Variants in DCLK1 observed in about 807,000 individuals in gnomAD.
DCLK1 encodes the protein serine/threonine-protein kinase DCLK1.
DCLK1 carries 16 observed loss-of-function variants against 86.2 expected under a neutral mutation model. The ratio of observed to expected loss-of-function variants is 0.19; its 90% CI spans 0.13 to 0.28. The LOEUF (loss-of-function observed/expected upper bound fraction) is 0.28. DCLK1 is among the 10% of genes least tolerant of loss of function. The probability of loss-of-function intolerance (pLI) is 1.00; values close to 1 mark genes in which losing one functional copy is unlikely to be tolerated. For missense variants in DCLK1, 590 were observed against 940.2 expected, an observed-to-expected ratio of 0.63 and a Z score of 4.87; for synonymous variants, 369 against 370.5, an observed-to-expected ratio of 1.00 and a Z score of 0.05.
intron 3 of DCLK1, among the ~76,000 whole-genome samples, chr13:36,009,784 G>A (rs2153147749): frequency 8.4e-6 from 1 of 119,068 alleles, no homozygotes; most frequent in African/African-American, 3.3e-5. Flanking sequence ...AGCTTGATGG[G>A]GATGGCATTG....
chr13:35,790,701 CATT>C (rs1360771054), intron 16 of DCLK1, among the ~76,000 whole-genome samples: 6 of 152,002 alleles, frequency 3.9e-5, no homozygotes, highest in Admixed American at 2.0e-4. Context: ...GCAAATTAAT[CATT>C]ATATTAAATT....
At chr13:35,873,391 T>A (rs950283563) in intron 4 of DCLK1, among the ~76,000 whole-genome samples, 1 of 152,132 alleles carries the variant, frequency 6.6e-6, no homozygotes, top group Non-Finnish European at 1.5e-5. Context: ...TGTACTTTTT[T>A]TTTTCCCCTC....
At chr13:36,015,588 C>A (rs1028102530) in intron 3 of DCLK1, among the ~76,000 whole-genome samples, 1 of 152,166 alleles carries the variant, frequency 6.6e-6, no homozygotes. Flanking sequence ...ACATGCCTAA[C>A]AATGAGCCTG....
chr13:36,031,571 A>C (rs893936808), intron 3 of DCLK1, among the ~76,000 whole-genome samples: 2 of 152,210 alleles, frequency 1.3e-5, no homozygotes, highest in Non-Finnish European at 2.9e-5. Context: ...TCCTGGTAAT[A>C]CGTTTGACAA....
intron 5 of DCLK1, among the ~76,000 whole-genome samples, chr13:35,856,992 T>G (rs1203706105): frequency 1.3e-5 from 2 of 152,162 alleles, no homozygotes; most frequent in Non-Finnish European, 2.9e-5. Flanking sequence ...ACTACTACCT[T>G]GCCTTACTGT....
chr13:35,893,313 T>A (rs1464807168), intron 4 of DCLK1, among the ~76,000 whole-genome samples: 1 of 152,172 alleles, frequency 6.6e-6, no homozygotes, highest in African/African-American at 2.4e-5. Context: ...TGGCAAATAT[T>A]TTTTGAACAT....
chr13:35,787,942 A>G, intron 16 of DCLK1: 2 of 431,570 alleles, frequency 4.6e-6, no homozygotes, highest in Non-Finnish European at 4.3e-6. Flanking sequence ...TGGCATTAGC[A>G]CTAAATATAC....
chr13:35,976,548 T>TTTTTTTTTTTTTTTTTTTTTTTTTTTTTG (rs1879347606), intron 3 of DCLK1, among the ~76,000 whole-genome samples: 1 of 82,794 alleles, frequency 1.2e-5, no homozygotes. Context: ...TTTTTTTTTT[T>TTTTTTTTTTTTTTTTTTTTTTTTTTTTTG]GAGACGGAGT....
intron 3 of DCLK1, among the ~76,000 whole-genome samples, chr13:36,028,410 C>T (rs574242468): frequency 1.1e-4 from 17 of 152,200 alleles, no homozygotes; most frequent in African/African-American, 2.9e-4. Flanking sequence ...TTTCCCTTTG[C>T]GCCTTCACAG....
chr13:36,011,570 G>C (rs1401247162), intron 3 of DCLK1, among the ~76,000 whole-genome samples: 1 of 149,580 alleles, frequency 6.7e-6, no homozygotes, highest in Admixed American at 6.7e-5. Context: ...GTTCTAGTTT[G>C]ATTGCACTGT....
chr13:36,127,666 T>A (rs1036339685), intron 1 of DCLK1, among the ~76,000 whole-genome samples: 1 of 152,300 alleles, frequency 6.6e-6, no homozygotes, highest in Middle Eastern at 3.4e-3. Flanking sequence ...CCCTGACACA[T>A]AAAGAGCTAG....
At chr13:36,085,300 A>G (rs879930713) in intron 3 of DCLK1, among the ~76,000 whole-genome samples, 3 of 152,174 alleles carry the variant, frequency 2.0e-5, no homozygotes, top group Non-Finnish European at 2.9e-5. Flanking sequence ...GTAGATTCCA[A>G]TCCCACTTTC....
chr13:35,780,553 T>C (rs2086507487), intron 16 of DCLK1, among the ~76,000 whole-genome samples: 1 of 152,198 alleles, frequency 6.6e-6, no homozygotes, highest in African/African-American at 2.4e-5. Context: ...ATGTGCACAA[T>C]AGTGACTGCC....
intron 5 of DCLK1, among the ~76,000 whole-genome samples, chr13:35,863,058 G>C (rs1233253871): frequency 1.3e-5 from 2 of 152,190 alleles, no homozygotes; most frequent in African/African-American, 4.8e-5. Context: ...ACAATTGCTA[G>C]GATATTCAGT....
chr13:36,092,385 T>A (rs1359434540), intron 3 of DCLK1, among the ~76,000 whole-genome samples: 1 of 152,182 alleles, frequency 6.6e-6, no homozygotes, highest in Non-Finnish European at 1.5e-5. Context: ...AATAGCTGAA[T>A]AGCTGTTAGT....
intron 3 of DCLK1, among the ~76,000 whole-genome samples, chr13:35,984,893 G>A (rs61948265): frequency 0.16 from 21,474 of 132,610 alleles, 2,096 homozygotes; most frequent in Non-Finnish European, 0.22. Context: ...CCCAGCGTGC[G>A]CATGCACACA....
chr13:35,934,951 A>G (rs1432658107), intron 4 of DCLK1, among the ~76,000 whole-genome samples: 3 of 152,166 alleles, frequency 2.0e-5, no homozygotes, highest in Non-Finnish European at 2.9e-5. Context: ...GGTATAATAA[A>G]GAGCAAAGAG....
intron 4 of DCLK1, among the ~76,000 whole-genome samples, chr13:35,880,368 C>T (rs75010026): frequency 0.024 from 3,652 of 152,272 alleles, 142 homozygotes; most frequent in African/African-American, 0.081. Context: ...GGGCCACAAG[C>T]ATGGCCCGTG....
At chr13:36,054,548 ACAAC>A (rs987223338) in intron 3 of DCLK1, among the ~76,000 whole-genome samples, 3 of 152,192 alleles carry the variant, frequency 2.0e-5, no homozygotes, top group African/African-American at 7.2e-5. Context: ...GTACAGAGAA[ACAAC>A]CAACCAAACA....
Sources: allele counts gnomAD v4.1 joint callset (sites outside exome capture counted in the v4.1 genomes callset), GRCh38; gene constraint gnomAD v4.1.1; transcripts MANE v1.5; gene names NCBI Gene and HGNC (gene_info 2026-07-23, HGNC 2026-07-21).